The following HDAC4 variants were observed in gnomAD, a reference collection of about 807,000 sequenced individuals.
HDAC4 encodes histone deacetylase A.
HDAC4 carries 16 observed loss-of-function variants against 135.1 expected under a neutral mutation model. The ratio of observed to expected loss-of-function variants is 0.12; its 90% CI spans 0.08 to 0.18. The LOEUF (loss-of-function observed/expected upper bound fraction) is 0.18. Ranked by LOEUF, HDAC4 falls within the 10% of genes least tolerant of loss-of-function variation. The probability of loss-of-function intolerance (pLI) is 1.00; values close to 1 mark genes in which losing one functional copy is unlikely to be tolerated. For missense variants in HDAC4, 1,143 were observed against 1,511.8 expected (o/e 0.76, Z 4.05); for synonymous variants, 685 against 653.4 (o/e 1.05, Z -0.74).
chr2:239,382,209 G>A (rs535929164), intron 1 of HDAC4, among the ~76,000 whole-genome samples: 10 of 152,340 alleles, frequency 6.6e-5, no homozygotes, highest in South Asian at 4.1e-4. Flanking sequence ...TTAAACTGTC[G>A]CTGCAGAAGC....
chr2:239,083,985 A>G (rs1363905947), intron 20 of HDAC4, among the ~76,000 whole-genome samples, 170 bp downstream of exon 20: 1 of 152,214 alleles, frequency 6.6e-6, no homozygotes, highest in Non-Finnish European at 1.5e-5. Flanking sequence ...GAAGCTGTAC[A>G]ATGACTTGTA....
At chr2:239,083,630 T>C (rs962388465) in intron 20 of HDAC4, among the ~76,000 whole-genome samples, 1 of 152,232 alleles carries the variant, frequency 6.6e-6, no homozygotes, top group Non-Finnish European at 1.5e-5. Context: ...AGAATGAGTA[T>C]ACCTATTCGT....
chr2:239,200,131 T>C (rs147441097), intron 3 of HDAC4, among the ~76,000 whole-genome samples: 103 of 152,274 alleles, frequency 6.8e-4, no homozygotes, highest in Middle Eastern at 3.4e-3. Context: ...AGCGCTGTTA[T>C]TGGGTTGGGA....
At chr2:239,275,441 C>T (rs1006212131) in intron 2 of HDAC4, among the ~76,000 whole-genome samples, 2 of 152,206 alleles carry the variant, frequency 1.3e-5, no homozygotes, top group African/African-American at 2.4e-5. Flanking sequence ...GTACCGGAGG[C>T]GCTGTTGGTC....
At chr2:239,157,104 G>A (rs1164484938) in intron 6 of HDAC4, among the ~76,000 whole-genome samples, 1 of 152,234 alleles carries the variant, frequency 6.6e-6, no homozygotes, top group African/African-American at 2.4e-5. Context: ...CGCTACCAGG[G>A]CCACCACTGG....
intron 15 of HDAC4, among the ~76,000 whole-genome samples, chr2:239,106,812 G>A (rs1032131985): frequency 4.6e-5 from 7 of 152,324 alleles, no homozygotes; most frequent in Non-Finnish European, 8.8e-5. Context: ...TCCGTGCCAC[G>A]CCAGCTCCAC....
chr2:239,324,516 C>T (rs1476520421), intron 2 of HDAC4, among the ~76,000 whole-genome samples: 1 of 152,230 alleles, frequency 6.6e-6, no homozygotes, highest in Non-Finnish European at 1.5e-5. Flanking sequence ...GCCTGCGTGG[C>T]ATGCTGTGGC....
intron 4 of HDAC4, among the ~76,000 whole-genome samples, chr2:239,184,456 TGA>T (rs1232100151): frequency 2.4e-5 from 3 of 122,668 alleles, no homozygotes; most frequent in East Asian, 2.9e-4. Context: ...CTGTGCCCTA[TGA>T]GGGGGGGTCC....
Position 239,068,448 on chromosome 2 carries a change from T to C in HDAC4, c.2869+41A>G. On this transcript the variant is annotated intron_variant, in intron 23 of 26. Transcript: ENST00000543185. The surrounding 1 kb of genome is among the most constrained non-coding windows in gnomAD (Gnocchi z 4.4). ...CGCGGAACACAGCGGATCATGGACA[T>C]GAGCAGAACCGGCTCCTCAGTCATA... 1 of 1,398,766 alleles carries C rather than the reference T, an allele frequency of 7.1e-7. No homozygotes were observed. Among genetic ancestry groups the C allele is most frequent in the Non-Finnish European group, 1.0e-6 (1 of 983,708 alleles). The allele number at this position is 1,398,766 out of a possible 1,614,324, so 86.6% of individuals were successfully genotyped here.
intron 3 of HDAC4, among the ~76,000 whole-genome samples, chr2:239,216,117 A>C (rs2046618695): frequency 6.6e-6 from 1 of 152,146 alleles, no homozygotes; most frequent in African/African-American, 2.4e-5. Context: ...AATTAGGGCC[A>C]TATTATGCAT....
At chr2:239,392,126 T>A (rs754474325) in intron 1 of HDAC4, among the ~76,000 whole-genome samples, 6 of 152,178 alleles carry the variant, frequency 3.9e-5, no homozygotes, top group Admixed American at 6.5e-5. Flanking sequence ...GCCCGGCTGC[T>A]ACCCTCGGAT....
At chr2:239,328,854 G>A (rs1261996252) in intron 2 of HDAC4, among the ~76,000 whole-genome samples, 1 of 152,264 alleles carries the variant, frequency 6.6e-6, no homozygotes, top group Non-Finnish European at 1.5e-5. Context: ...TGGGCTTGGT[G>A]TTTATGTCTG....
intron 2 of HDAC4, among the ~76,000 whole-genome samples, chr2:239,297,048 A>G (rs76680725): frequency 6.9e-6 from 1 of 144,678 alleles, no homozygotes; most frequent in African/African-American, 2.6e-5. Context: ...AAAAAAAAAA[A>G]GGAATTAAGT....
intron 12 of HDAC4, 137 bp downstream of exon 12, chr2:239,126,319 C>CAGG: frequency 7.1e-7 from 1 of 1,418,216 alleles, no homozygotes; most frequent in East Asian, 2.3e-5. Context: ...TGGGCCAGAG[C>CAGG]ATGTGCCTCC....
chr2:239,257,293 G>A (rs2049105633), intron 2 of HDAC4, among the ~76,000 whole-genome samples: 1 of 151,198 alleles, frequency 6.6e-6, no homozygotes, highest in Non-Finnish European at 1.5e-5. Context: ...CCTTAGCAGA[G>A]AGAAAAATCA....
chr2:239,342,903 A>T (rs1692381544), intron 2 of HDAC4, among the ~76,000 whole-genome samples: 2 of 152,168 alleles, frequency 1.3e-5, no homozygotes, highest in Non-Finnish European at 2.9e-5. Context: ...AGGCCTGGCT[A>T]TGGGCTTCGG....
At chr2:239,117,104 T>C (rs1276672638) in intron 12 of HDAC4, among the ~76,000 whole-genome samples, 1 of 152,026 alleles carries the variant, frequency 6.6e-6, no homozygotes, top group Non-Finnish European at 1.5e-5. Context: ...GGTGTCCGCG[T>C]AGTGGGGCAA....
chr2:239,270,285 T>G (rs2049987222), intron 2 of HDAC4, among the ~76,000 whole-genome samples: 1 of 152,122 alleles, frequency 6.6e-6, no homozygotes, highest in South Asian at 2.1e-4. Context: ...TGGTGACACC[T>G]TGGAGAGGGA....
intron 7 of HDAC4, among the ~76,000 whole-genome samples, chr2:239,153,463 C>A (rs2042235660): frequency 6.6e-6 from 1 of 152,060 alleles, no homozygotes; most frequent in Non-Finnish European, 1.5e-5. Context: ...CAGAAAAGCA[C>A]AGATATAACT....
Sources: allele counts gnomAD v4.1 joint callset (sites outside exome capture counted in the v4.1 genomes callset), GRCh38; gene constraint gnomAD v4.1.1; non-coding constraint Gnocchi (gnomAD v3.1); transcripts MANE v1.5; gene names NCBI Gene and HGNC (gene_info 2026-07-23, HGNC 2026-07-21).